The following VNN2 variants were observed in gnomAD, a reference collection of about 807,000 sequenced individuals.
VNN2 encodes pantetheine hydrolase VNN2.
In VNN2, 43 loss-of-function variants were observed where a neutral mutation model predicts 43.0. The ratio of observed to expected loss-of-function variants is 1.00; its 90% CI spans 0.78 to 1.29. VNN2 has a LOEUF of 1.29. VNN2 is among the 50% of genes most tolerant of loss of function. The pLI, the probability that VNN2 is intolerant of heterozygous loss-of-function variation, is 0.00. For synonymous variants in VNN2, 230 were observed against 224.3 expected, an observed-to-expected ratio of 1.03 and a Z score of -0.23; for missense variants, 652 against 619.7, an observed-to-expected ratio of 1.05 and a Z score of -0.55.
chr6:132,763,270 T>C (rs1008085716), intron 1 of VNN2: 6 of 152,150 alleles, frequency 3.9e-5, no homozygotes, highest in Non-Finnish European at 8.8e-5. Context: ...GTTTATGTCT[T>C]ATTGATCAAT....
Position 132,749,873 on chromosome 6 carries a change from G to A in VNN2, c.1201-8C>T, listed in dbSNP as rs1320165184. ...CTTCAGCAGTGTGCAGACCTATGTG[G>A]AACAAACGCAGATAAAACGCAATGC... On this transcript the variant is annotated splice_polypyrimidine_tract_variant and splice_region_variant and intron_variant, in intron 5 of 6. Transcript: ENST00000326499. The A allele has an allele frequency of 1.9e-6, 3 of 1,605,972 alleles. No individual in the cohort carries two copies. Among genetic ancestry groups the A allele is most frequent in the African/African-American group, 2.7e-5 (2 of 74,588 alleles).
chr6:132,758,152 G>T (rs543637228), upstream of VNN2: 81 of 320,438 alleles, frequency 2.5e-4, no homozygotes, highest in Non-Finnish European at 3.1e-4. Context: ...TCAAGCGATT[G>T]TCCTTCTTCA....
chr6:132,757,307 C>T, intron 2 of VNN2, 109 bp downstream of exon 2: 4 of 1,309,166 alleles, frequency 3.1e-6, no homozygotes, highest in African/African-American at 1.5e-5. Flanking sequence ...TAAATATAAC[C>T]ATAACATATA....
upstream of VNN2, among the ~76,000 whole-genome samples, chr6:132,759,609 C>T (rs539751658): frequency 6.6e-6 from 1 of 152,150 alleles, no homozygotes; most frequent in Admixed American, 6.5e-5. Flanking sequence ...TGCTTTTAGA[C>T]AGCATAGAAG....
At chr6:132,750,032 A>T (rs1283091332) in intron 5 of VNN2, among the ~76,000 whole-genome samples, 167 bp from the exon 6 acceptor site, 1 of 152,208 alleles carries the variant, frequency 6.6e-6, no homozygotes, top group Non-Finnish European at 1.5e-5. Flanking sequence ...ATGGCCAGTG[A>T]CTTGAGAATC....
chr6:132,744,599 T>C, intron 6 of VNN2, 108 bp from the exon 7 acceptor site: 1 of 1,152,780 alleles, frequency 8.7e-7, no homozygotes, highest in Non-Finnish European at 1.2e-6. Flanking sequence ...AAATCATTTC[T>C]GATTTAGGAG....
chr6:132,757,319 C>T, intron 2 of VNN2, 97 bp downstream of exon 2: 2 of 1,403,136 alleles, frequency 1.4e-6, no homozygotes, highest in Non-Finnish European at 1.9e-6. Context: ...TAACATATAC[C>T]ACATATATGG....
chr6:132,761,351 A>G (rs949604808), upstream of VNN2, among the ~76,000 whole-genome samples: 3 of 144,552 alleles, frequency 2.1e-5, no homozygotes, highest in Admixed American at 6.7e-5. Flanking sequence ...TCAAAGAGTC[A>G]CCATAAAAAA....
chr6:132,752,557 G>A lies in VNN2; in HGVS notation c.730C>T (p.Leu244Phe), dbSNP rs1383646200. ...GAATGGAATTCAATAGCTGTCAAAA[G>A]GGGCAAAACGTTCATCCAAGCTGTG... ...FPTAWMNVLP[L>F]LTAIEFHSAW... Residue 244 changes from leucine (L) to phenylalanine (F), a missense_variant, in exon 4 of 7, where the codon CTT becomes TTT. Transcript: ENST00000326499. The A allele has an allele frequency of 1.2e-6, 2 of 1,614,032 alleles. No homozygotes were observed. Among genetic ancestry groups the A allele is most frequent in the Non-Finnish European group, 1.7e-6 (2 of 1,180,038 alleles).
chr6:132,754,150 A>AT (rs1220854091), intron 3 of VNN2, among the ~76,000 whole-genome samples: 18 of 152,150 alleles, frequency 1.2e-4, no homozygotes, highest in African/African-American at 4.3e-4. Context: ...CATCCTGCAT[A>AT]TTTACAGAAT....
upstream of VNN2, among the ~76,000 whole-genome samples, chr6:132,762,236 C>T (rs1240857043): frequency 6.6e-6 from 1 of 152,212 alleles, no homozygotes; most frequent in Non-Finnish European, 1.5e-5. Flanking sequence ...CTGCTCCAGG[C>T]TCTGACACTG....
At chr6:132,756,685 T>C (rs987249131) in intron 2 of VNN2, among the ~76,000 whole-genome samples, 1 of 152,248 alleles carries the variant, frequency 6.6e-6, no homozygotes, top group Non-Finnish European at 1.5e-5. Context: ...TTCCTCGTTT[T>C]CTTCCGAGTC....
At chr6:132,758,006 C>CTTCTTCTTCTTCTTTTTT, upstream of VNN2, 1 of 145,610 alleles carries the variant, frequency 6.9e-6, no homozygotes, top group African/African-American at 1.6e-4. Flanking sequence ...CATTTTTCTT[C>CTTCTTCTTCTTCTTTTTT]TTCTTCTTCT....
chr6:132,749,976 A>C (rs1779962128), intron 5 of VNN2, 111 bp from the exon 6 acceptor site: 3 of 1,086,080 alleles, frequency 2.8e-6, no homozygotes, highest in Non-Finnish European at 3.8e-6. Flanking sequence ...CTTTCTCTGA[A>C]AAGGGATTTG....
At chr6:132,754,961 G>A (rs1780363103) in intron 3 of VNN2, among the ~76,000 whole-genome samples, 1 of 152,168 alleles carries the variant, frequency 6.6e-6, no homozygotes, top group Admixed American at 6.5e-5. Context: ...ACTGCTTGAG[G>A]TGAAGAGTTC....
rs1251090263 is a variant in VNN2, at chr6:132,749,759, C to G, written c.1307G>C (p.Gly436Ala). ...CACTTCAGGAAAAACATACTCTGTT[C>G]CAAATGTGCCACTGAGGGAGAACAT... ...FEMFSLSGTF[G>A]TEYVFPEVLL... The change falls in exon 6 of 7, where the codon GGA becomes GCA. Residue 436 changes from glycine (G) to alanine (A), a missense_variant. Physicochemically the swap from Gly to Ala is moderately conservative, Grantham distance 60. Transcript: ENST00000326499. The G allele has an allele frequency of 6.2e-7, 1 of 1,614,012 alleles. No homozygotes were observed. The highest frequency in any genetic ancestry group is 1.1e-5 in the South Asian group (1 of 91,070).
upstream of VNN2, among the ~76,000 whole-genome samples, chr6:132,758,944 C>T (rs1780657652): frequency 6.6e-6 from 1 of 152,036 alleles, no homozygotes; most frequent in Non-Finnish European, 1.5e-5. Context: ...CCCTTCCCTC[C>T]CCATCCTCCC....
At chr6:132,754,587 G>A (rs939458611) in intron 3 of VNN2, among the ~76,000 whole-genome samples, 1 of 152,152 alleles carries the variant, frequency 6.6e-6, no homozygotes, top group African/African-American at 2.4e-5. Context: ...AAATATCTGG[G>A]TGTGGAGAAG....
At chr6:132,758,045 T>TCTTCTTCTTCTTCTTC (rs1484257845), upstream of VNN2, 12 of 343,552 alleles carry the variant, frequency 3.5e-5, no homozygotes, top group African/African-American at 6.7e-4. Flanking sequence ...TCTTCTTTTT[T>TCTTCTTCTTCTTCTTC]TTTTTTTTTT....
Sources: allele counts gnomAD v4.1 joint callset (sites outside exome capture counted in the v4.1 genomes callset), GRCh38; gene constraint gnomAD v4.1.1; transcripts MANE v1.5; gene names NCBI Gene and HGNC (gene_info 2026-07-23, HGNC 2026-07-21).